CCDC3: variants seen among roughly 807,000 people sequenced by gnomAD.
CCDC3 encodes the protein coiled-coil domain containing 3, also known as coiled-coil domain-containing protein 3.
CCDC3 carries 24 observed loss-of-function variants against 21.4 expected under a neutral mutation model. The ratio of observed to expected loss-of-function variants is 1.12; its 90% CI spans 0.81 to 1.58. CCDC3 has a LOEUF of 1.58. Ranked by LOEUF, CCDC3 falls within the 40% of genes most tolerant of loss-of-function variation. CCDC3 has a pLI of 0.00. For synonymous variants in CCDC3, 186 were observed against 166.0 expected (o/e 1.12, Z -0.93); for missense variants, 425 against 360.9 (o/e 1.18, Z -1.44).
At chr10:13,062,919 C>T (rs1338011659) in intron 4 of CCDC3, among the ~76,000 whole-genome samples, 1 of 151,180 alleles carries the variant, frequency 6.6e-6, no homozygotes, top group Non-Finnish European at 1.5e-5. Flanking sequence ...GCTCTTATGG[C>T]CCCCACCCAG....
Position 12,998,355 on chromosome 10 carries a change from T to A in CCDC3, c.532A>T (p.Ile178Phe). 6.2e-7 allele frequency: 1 copy of A among 1,614,176 alleles called. No individual in the cohort carries two copies. Among genetic ancestry groups the A allele is most frequent in the Non-Finnish European group, 8.5e-7 (1 of 1,180,024 alleles). Residue 178 changes from isoleucine (I) to phenylalanine (F), a missense_variant, in exon 2 of 3, where the codon ATC becomes TTC. Physicochemically the swap from Ile to Phe is conservative, Grantham distance 21. Coordinates refer to ENST00000378825, the MANE Select transcript of CCDC3 (RefSeq NM_031455.4). ...QLATFSSDWE[I>F]QEDSRLMCSS... ...ATTCTTACCCTACTGTCTTCCTGGA[T>A]TTCCCAGTCACTGGAGAAAGTCGCC...
intron 2 of CCDC3, among the ~76,000 whole-genome samples, chr10:12,982,025 C>G (rs111919335): frequency 0.016 from 2,311 of 144,436 alleles, 65 homozygotes; most frequent in African/African-American, 0.056. Context: ...TGGAGGCTGA[C>G]GCAGGAGAAT....
At chr10:13,072,286 A>C (rs1200067340) in intron 4 of CCDC3, among the ~76,000 whole-genome samples, 1 of 151,990 alleles carries the variant, frequency 6.6e-6, no homozygotes, top group Non-Finnish European at 1.5e-5. Flanking sequence ...TCTGAGGGAG[A>C]TCTGACTGCT....
rs572909246 is a variant in CCDC3, at chr10:12,936,460, G to C, written c.550-37781C>G. Among the ~76,000 whole-genome samples the C allele has an allele frequency of 2.9e-3, 436 of 152,102 alleles. 4 individuals are homozygous for C. Among genetic ancestry groups the C allele is most frequent in the South Asian group, 0.012 (59 of 4,816 alleles). ...TGCAGCCTTGACCTCCCTGGGCTTG[G>C]GTGATCCTCCCACTTCAGCCTCCCA... On this transcript the variant is annotated intron_variant, in intron 2 of 2. Coordinates refer to ENST00000378825, the MANE Select transcript of CCDC3 (RefSeq NM_031455.4).
At chr10:13,052,527 A>G (rs1836620597) in intron 4 of CCDC3, among the ~76,000 whole-genome samples, 1 of 152,232 alleles carries the variant, frequency 6.6e-6, no homozygotes, top group African/African-American at 2.4e-5. Flanking sequence ...AGCTTAGATT[A>G]GAAAGCAAAC....
chr10:13,003,207 A>G (rs1835880124), upstream of CCDC3, among the ~76,000 whole-genome samples: 1 of 152,236 alleles, frequency 6.6e-6, no homozygotes, highest in South Asian at 2.1e-4. Context: ...CCAAGTTATA[A>G]TAAGAATTGC....
rs547672760 is a variant in CCDC3 at position 12,928,837 on chromosome 10, G to A, written c.550-30158C>T. Among the ~76,000 whole-genome samples, 48 of 152,234 alleles carry A rather than the reference G, an allele frequency of 3.2e-4. 1 individual carries two copies. Among genetic ancestry groups the A allele is most frequent in the Middle Eastern group, 3.4e-3 (1 of 294 alleles). On this transcript the variant is annotated intron_variant, in intron 2 of 2. Transcript: ENST00000378825. ...TCTCTCCAAAGACGCTCAGGTCTCC[G>A]TCACAGGATCACCATTGAAAAAGGT...
At chr10:12,921,515 G>A (rs1834450027) in intron 2 of CCDC3, among the ~76,000 whole-genome samples, 1 of 152,110 alleles carries the variant, frequency 6.6e-6, no homozygotes, top group Admixed American at 6.5e-5. Flanking sequence ...CAAAAGCCAG[G>A]CCTTATCTTT....
intron 5 of CCDC3, among the ~76,000 whole-genome samples, chr10:13,040,930 T>C (rs1286373249): frequency 6.6e-6 from 1 of 152,214 alleles, no homozygotes; most frequent in Non-Finnish European, 1.5e-5. Flanking sequence ...CCTATAGATT[T>C]ACTCTTTTAA....
intron 2 of CCDC3, among the ~76,000 whole-genome samples, chr10:12,963,600 T>C (rs1322062430): frequency 2.7e-3 from 177 of 65,902 alleles, no homozygotes; most frequent in Non-Finnish European, 4.5e-3. Flanking sequence ...TTTTTTTTTT[T>C]CAGACAGGAT....
upstream of CCDC3, among the ~76,000 whole-genome samples, chr10:13,004,229 A>G (rs1423346715): frequency 6.6e-6 from 1 of 151,954 alleles, no homozygotes; most frequent in Non-Finnish European, 1.5e-5. Flanking sequence ...GATGGACTCC[A>G]TCATTTCAGT....
chr10:13,004,347 A>G (rs543185562), upstream of CCDC3, among the ~76,000 whole-genome samples: 1 of 152,294 alleles, frequency 6.6e-6, no homozygotes, highest in South Asian at 2.1e-4. Flanking sequence ...AAACCAGTTA[A>G]TTCTATGGCC....
At chr10:12,951,381 A>G (rs1835005962) in intron 2 of CCDC3, among the ~76,000 whole-genome samples, 1 of 152,086 alleles carries the variant, frequency 6.6e-6, no homozygotes, top group Non-Finnish European at 1.5e-5. Flanking sequence ...CCATTTAAGG[A>G]ATGTTTGACC....
At chr10:13,094,546 T>C (rs1970174) in intron 3 of CCDC3, among the ~76,000 whole-genome samples, 135,501 of 152,012 alleles carry the variant, frequency 0.89, 60,687 homozygotes, top group East Asian at 0.95. Flanking sequence ...TAAGCCACTG[T>C]GCCCGGCCTA....
Position 12,907,400 on chromosome 10 carries a change from T to G in CCDC3, c.550-8721A>C, listed in dbSNP as rs577887227. Among the ~76,000 whole-genome samples, 3 of 152,294 alleles carry G rather than the reference T, an allele frequency of 2.0e-5. No homozygotes were observed. The East Asian group carries it at 5.8e-4, about 29-fold the overall frequency. ...TGGCTCACGCCTGTAATCCCAGCACTTTGGGAGGCTGAGGTGGGAGGATCA... is the reference window on the plus strand; with the variant it reads ...TGGCTCACGCCTGTAATCCCAGCACGTTGGGAGGCTGAGGTGGGAGGATCA... On this transcript the variant is annotated intron_variant, in intron 2 of 2. Transcript: ENST00000378825.
At chr10:13,064,985 G>T (rs570238662) in intron 4 of CCDC3, among the ~76,000 whole-genome samples, 14 of 152,110 alleles carry the variant, frequency 9.2e-5, no homozygotes, top group Admixed American at 2.6e-4. Flanking sequence ...TGAATAGAGT[G>T]GGAGGCAGGT....
chr10:12,943,822 TTTTCTC>T (rs1407468055), intron 2 of CCDC3, among the ~76,000 whole-genome samples: 1 of 152,092 alleles, frequency 6.6e-6, no homozygotes, highest in African/African-American at 2.4e-5. Context: ...GGAAGAGAGT[TTTTCTC>T]TTTCTCTCTA....
In CCDC3 at chr10:12,998,529, A is replaced by C. The variant is rs1835798709; in HGVS notation, c.375-17T>G. The C allele has an allele frequency of 6.2e-7, 1 of 1,612,028 alleles. No homozygotes were observed. On this transcript the variant is annotated splice_polypyrimidine_tract_variant and intron_variant, in intron 1 of 2. Coordinates refer to ENST00000378825, the MANE Select transcript of CCDC3 (RefSeq NM_031455.4). ...TCATCCATCCTAATGGAGGAAAAAAAGGCAGACATGTAGGCTAGACAGTCA... is the reference window on the plus strand; with the variant it reads ...TCATCCATCCTAATGGAGGAAAAAACGGCAGACATGTAGGCTAGACAGTCA...
intron 4 of CCDC3, chr10:13,058,629 G>A: frequency 1.7e-6 from 1 of 591,156 alleles, no homozygotes; most frequent in Non-Finnish European, 3.0e-6. Flanking sequence ...ACGTCACTTG[G>A]TATCTCTTCA....
Sources: gnomAD v4.1 joint callset for allele counts (sites outside exome capture counted in the v4.1 genomes callset) on GRCh38, gnomAD v4.1.1 for gene constraint, MANE v1.5 for transcripts, NCBI Gene and HGNC (gene_info 2026-07-23, HGNC 2026-07-21) for gene names.